Variants in PPARGC1A observed in about 807,000 individuals in gnomAD.
The protein encoded by PPARGC1A is peroxisome proliferator-activated receptor gamma coactivator 1-alpha.
A neutral mutation model predicts 88.7 loss-of-function variants in PPARGC1A; 25 were observed. That is an observed-to-expected ratio of 0.28 (90% CI 0.21 to 0.39). PPARGC1A has a LOEUF of 0.39. Ranked by LOEUF, PPARGC1A falls within the 10% of genes least tolerant of loss-of-function variation. The pLI is 1.00. For synonymous variants in PPARGC1A, 363 were observed against 355.6 expected (o/e 1.02, Z -0.24); for missense variants, 880 against 968.7 (o/e 0.91, Z 1.22).
chr4:24,012,550 T>C, the PPARGC1A span, among the ~76,000 whole-genome samples: 1 of 152,228 alleles, frequency 6.6e-6, no homozygotes. Context: ...TTTTCTGCTC[T>C]GAGGCCCTGC....
rs138754460 is a variant in PPARGC1A at position 23,830,096 on chromosome 4, C to T, written c.430-511G>A. On this transcript the variant is annotated intron_variant, in intron 3 of 12. Coordinates refer to ENST00000264867, the MANE Select transcript of PPARGC1A (RefSeq NM_013261.5). ...TGGGGGGTGGGGGAGAATAGATACA[C>T]ATTTTCTTTCTAAAAATCCAAATAA... Among the ~76,000 whole-genome samples, 197 of 152,204 alleles carry T rather than the reference C, an allele frequency of 1.3e-3. 1 individual carries two copies. Among genetic ancestry groups the T allele is most frequent in the African/African-American group, 4.2e-3 (175 of 41,536 alleles).
the PPARGC1A span, among the ~76,000 whole-genome samples, chr4:24,216,882 T>C: frequency 6.6e-6 from 1 of 152,148 alleles, no homozygotes; most frequent in Non-Finnish European, 1.5e-5. Context: ...TTAGGTGCAT[T>C]GTTTAAGCTC....
intron 4 of PPARGC1A, 60 bp from the exon 5 acceptor site, chr4:23,828,664 A>G (rs1724451872): frequency 4.0e-6 from 6 of 1,491,352 alleles, no homozygotes; most frequent in African/African-American, 2.8e-5. Context: ...CAGAATGGAT[A>G]TAGGTTTTCT....
chr4:24,024,394 A>C, the PPARGC1A span, among the ~76,000 whole-genome samples: 3 of 152,170 alleles, frequency 2.0e-5, no homozygotes, highest in African/African-American at 7.2e-5. Context: ...CTTCCACTAC[A>C]TCAGCAGTCA....
At chr4:23,917,653 G>C in the PPARGC1A span, among the ~76,000 whole-genome samples, 1 of 152,136 alleles carries the variant, frequency 6.6e-6, no homozygotes, top group African/African-American at 2.4e-5. Flanking sequence ...CCTGATAAAA[G>C]ACCACATAAG....
chr4:24,142,615 A>G, the PPARGC1A span, among the ~76,000 whole-genome samples: 1 of 152,012 alleles, frequency 6.6e-6, no homozygotes, highest in African/African-American at 2.4e-5. Context: ...TGGAGGTTGT[A>G]GTGAGCAGAG....
the PPARGC1A span, among the ~76,000 whole-genome samples, chr4:24,200,884 ACT>A: frequency 6.6e-6 from 1 of 152,054 alleles, no homozygotes; most frequent in Non-Finnish European, 1.5e-5. Flanking sequence ...TATTGAAGTG[ACT>A]CTGTTTTCTA....
chr4:24,272,570 ATTCAGAATTACCCAT>A, the PPARGC1A span, among the ~76,000 whole-genome samples: 1 of 152,248 alleles, frequency 6.6e-6, no homozygotes, highest in Non-Finnish European at 1.5e-5. Context: ...CCAATTGTTT[ATTCAGAATTACCCAT>A]TTCCACCCCT....
the PPARGC1A span, among the ~76,000 whole-genome samples, chr4:24,251,859 G>A: frequency 2.6e-5 from 4 of 152,114 alleles, no homozygotes; most frequent in African/African-American, 4.8e-5. Context: ...AACCAGACAG[G>A]AGCACCCTCT....
chr4:24,404,286 T>A, the PPARGC1A span, among the ~76,000 whole-genome samples: 1 of 151,042 alleles, frequency 6.6e-6, no homozygotes, highest in African/African-American at 2.4e-5. Context: ...ATAAATAAAT[T>A]AAAAATAAAT....
At chr4:24,380,971 T>C in the PPARGC1A span, among the ~76,000 whole-genome samples, 1 of 148,908 alleles carries the variant, frequency 6.7e-6, no homozygotes, top group East Asian at 2.0e-4. Context: ...AGCATGTAGC[T>C]GTGTGATTTA....
chr4:24,391,217 T>G, the PPARGC1A span, among the ~76,000 whole-genome samples: 2 of 152,132 alleles, frequency 1.3e-5, no homozygotes, highest in South Asian at 4.1e-4. Flanking sequence ...TCCGCAAAAT[T>G]TGAGTTTGAC....
the PPARGC1A span, among the ~76,000 whole-genome samples, chr4:24,347,821 GT>G: frequency 1.3e-5 from 2 of 151,830 alleles, no homozygotes; most frequent in Non-Finnish European, 2.9e-5. Flanking sequence ...CTGTGCTTCG[GT>G]TTTTTTGTTA....
intron 2 of PPARGC1A, among the ~76,000 whole-genome samples, chr4:23,850,926 G>T (rs1342189701): frequency 1.3e-5 from 2 of 152,080 alleles, no homozygotes; most frequent in Admixed American, 6.6e-5. Context: ...ACCTTTATAG[G>T]TATACATTTA....
chr4:24,321,824 T>G, the PPARGC1A span, among the ~76,000 whole-genome samples: 1 of 152,218 alleles, frequency 6.6e-6, no homozygotes, highest in Admixed American at 6.5e-5. Flanking sequence ...AAAAGAGACT[T>G]AAGAACAGAC....
chr4:24,470,300 ACACACACACACACACACACACACACT>A, the PPARGC1A span, among the ~76,000 whole-genome samples: 20 of 146,000 alleles, frequency 1.4e-4, no homozygotes, highest in East Asian at 2.0e-4. The surrounding 1 kb of genome is among the most constrained non-coding windows in gnomAD (Gnocchi z 5.8). Flanking sequence ...ACACACACAC[ACACACACACACACACACACACACACT>A]CTCTCACACA....
intron 2 of PPARGC1A, among the ~76,000 whole-genome samples, chr4:23,875,552 C>T (rs1363160754): frequency 6.6e-6 from 1 of 151,648 alleles, no homozygotes; most frequent in African/African-American, 2.4e-5. Flanking sequence ...ACCTTGGCGG[C>T]TCTTATCTCC....
the PPARGC1A span, among the ~76,000 whole-genome samples, chr4:23,919,922 G>A: frequency 1.9e-4 from 29 of 152,244 alleles, no homozygotes; most frequent in African/African-American, 7.0e-4. Flanking sequence ...TCCGCTAAGA[G>A]GATATAACAG....
chr4:24,030,816 T>G, the PPARGC1A span, among the ~76,000 whole-genome samples: 1 of 152,110 alleles, frequency 6.6e-6, no homozygotes, highest in South Asian at 2.1e-4. Context: ...AAAGACGTCT[T>G]AAAAACTGCA....
Sources: gnomAD v4.1 joint callset for allele counts (sites outside exome capture counted in the v4.1 genomes callset) on GRCh38, gnomAD v4.1.1 for gene constraint, Gnocchi (gnomAD v3.1) non-coding constraint, MANE v1.5 for transcripts, NCBI Gene and HGNC (gene_info 2026-07-23, HGNC 2026-07-21) for gene names.